AGFG1: variants seen among roughly 807,000 people sequenced by gnomAD.
AGFG1 encodes ArfGAP with FG repeats 1.
In AGFG1, 10 loss-of-function variants were observed where a neutral mutation model predicts 60.6. That is an observed-to-expected ratio of 0.16 (90% CI 0.10 to 0.28). The LOEUF (loss-of-function observed/expected upper bound fraction) is 0.28. Among genes scored for constraint, AGFG1 ranks in the 10% least tolerant of loss-of-function variants. The probability of loss-of-function intolerance (pLI) is 1.00; values close to 1 mark genes in which losing one functional copy is unlikely to be tolerated. For synonymous variants in AGFG1, 247 were observed against 242.9 expected, an observed-to-expected ratio of 1.02 and a Z score of -0.16; for missense variants, 537 against 676.5, an observed-to-expected ratio of 0.79 and a Z score of 2.29.
chr2:227,535,065 C>CTT (rs202054394), intron 8 of AGFG1, 40 bp downstream of exon 8: 11 of 1,425,882 alleles, frequency 7.7e-6, no homozygotes, highest in South Asian at 1.7e-5. Flanking sequence ...TGTGTTTTAT[C>CTT]TTTTTTTTCC....
intron 2 of AGFG1, among the ~76,000 whole-genome samples, chr2:227,500,170 T>C (rs139398310): frequency 1.3e-5 from 2 of 152,272 alleles, no homozygotes; most frequent in Admixed American, 6.5e-5. Flanking sequence ...TGTTTAAGGT[T>C]TGGGTAGTAG....
At chr2:227,489,648 A>G (rs1316804280) in intron 1 of AGFG1, among the ~76,000 whole-genome samples, 2 of 152,196 alleles carry the variant, frequency 1.3e-5, no homozygotes, top group Non-Finnish European at 2.9e-5. Flanking sequence ...CAAAACAACA[A>G]CCAAACCCAA....
intron 1 of AGFG1, among the ~76,000 whole-genome samples, chr2:227,484,677 G>GTTTTTTTTTTGTTT (rs1353896378): frequency 2.6e-5 from 3 of 115,908 alleles, no homozygotes; most frequent in African/African-American, 1.0e-4. Flanking sequence ...AGATCTCTTA[G>GTTTTTTTTTTGTTT]TTTTTTTTTT....
At chr2:227,476,098 G>C (rs1424584346) in intron 1 of AGFG1, among the ~76,000 whole-genome samples, 1 of 151,912 alleles carries the variant, frequency 6.6e-6, no homozygotes, top group Non-Finnish European at 1.5e-5. Context: ...CTATATGCTT[G>C]AATGATGTTC....
rs1693068668 is a variant in AGFG1 at position 227,559,385 on chromosome 2, G to A, written c.*4890G>A. On this transcript the variant is annotated 3_prime_UTR_variant, in exon 13 of 13. Coordinates refer to ENST00000310078, the MANE Select transcript of AGFG1 (RefSeq NM_004504.5). The stretch of plus-strand genomic sequence containing the variant: ...ACATCTTAGTCTGATTTTGAAGTCA[G>A]TTGTGTAAGTTTGGGCTGACAGTGG... 1 of 152,170 alleles carries A rather than the reference G, an allele frequency of 6.6e-6. No homozygotes were observed. The highest frequency in any genetic ancestry group is 2.4e-5 in the African/African-American group (1 of 41,438). 9.4% of individuals were successfully genotyped at this position (152,170 alleles called of 1,614,324 possible). A position where few individuals can be genotyped will look rare whatever the true frequency, so the allele number is the denominator to read the frequency against.
chr2:227,502,838 A>G (rs1691199126), intron 2 of AGFG1, among the ~76,000 whole-genome samples: 1 of 152,190 alleles, frequency 6.6e-6, no homozygotes, highest in Non-Finnish European at 1.5e-5. Context: ...ATGGTGTGAT[A>G]GGGATTGAGT....
chr2:227,494,871 A>G (rs556080014), intron 2 of AGFG1, among the ~76,000 whole-genome samples: 13 of 152,354 alleles, frequency 8.5e-5, no homozygotes, highest in Admixed American at 6.5e-4. Flanking sequence ...ACAATCACAC[A>G]ACTGATGGCA....
In AGFG1 at chr2:227,506,984, G is replaced by A. The variant is rs115442937; in HGVS notation, c.262-12964G>A. Reference sequence around the variant, plus strand: ...AAAGATCCACTATTTCATAGGTTGTGTGGTGTTTTTTTAATCAAAAACCAC... The same window carrying A: ...AAAGATCCACTATTTCATAGGTTGTATGGTGTTTTTTTAATCAAAAACCAC... On this transcript the variant is annotated intron_variant, in intron 2 of 12. Transcript: ENST00000310078. Among the ~76,000 whole-genome samples, 1,492 of 152,194 alleles carry A rather than the reference G, an allele frequency of 9.8e-3. 12 individuals carry two copies. Among genetic ancestry groups the A allele is most frequent in the Middle Eastern group, 0.065 (19 of 294 alleles).
At chr2:227,499,499 G>A (rs548488703) in intron 2 of AGFG1, among the ~76,000 whole-genome samples, 24 of 152,162 alleles carry the variant, frequency 1.6e-4, no homozygotes, top group African/African-American at 5.5e-4. Flanking sequence ...AATTTGCTGG[G>A]CGTGGTGGCG....
At chr2:227,525,914 T>A (rs1019762256) in intron 5 of AGFG1, among the ~76,000 whole-genome samples, 4 of 152,222 alleles carry the variant, frequency 2.6e-5, no homozygotes, top group Admixed American at 1.3e-4. Flanking sequence ...CTGAATTTAT[T>A]CCTTCACTTA....
chr2:227,519,932 T>G lies in AGFG1; in HGVS notation c.262-16T>G. 1 of 1,468,364 alleles carries G rather than the reference T, an allele frequency of 6.8e-7. No homozygotes were observed. Among genetic ancestry groups the G allele is most frequent in the Non-Finnish European group, 9.3e-7 (1 of 1,073,856 alleles). The allele number at this position is 1,468,364 out of a possible 1,614,324, so 91.0% of individuals were successfully genotyped here. On this transcript the variant is annotated splice_polypyrimidine_tract_variant and intron_variant, in intron 2 of 12. Coordinates refer to ENST00000310078, the MANE Select transcript of AGFG1 (RefSeq NM_004504.5). ...GATGTTGAATTTAACATATATTTTT[T>G]TAATTCTTTCCAAAGGTCTGTAAAC...
Position 227,524,912 on chromosome 2 carries a change from G to T in AGFG1, c.691G>T (p.Ala231Ser). Residue 231 changes from alanine to serine, a missense_variant, in exon 5 of 13, where the codon GCA becomes TCA. Physicochemically the swap from Ala to Ser is moderately conservative, Grantham distance 99 (BLOSUM62 1). Around this residue, in one of 4 missense-constraint regions of AGFG1, gnomAD observed 102 missense variants for 82.9 expected, o/e 1.23. Coordinates refer to ENST00000310078, the MANE Select transcript of AGFG1 (RefSeq NM_004504.5). ...TAACTTTGCACATTTCAACAGTCATGCAGGTAAGTGTTTTTTCCCAACAGC... is the reference window on the plus strand; with the variant it reads ...TAACTTTGCACATTTCAACAGTCATTCAGGTAAGTGTTTTTTCCCAACAGC... ...FANFAHFNSH[A>S]AQNSANADFA... is the part of the protein sequence containing the mutation. 6.2e-7 allele frequency: 1 copy of T among 1,614,024 alleles called. No homozygotes were observed. Among genetic ancestry groups the T allele is most frequent in the Non-Finnish European group, 8.5e-7 (1 of 1,179,918 alleles).
Position 227,560,645 on chromosome 2 carries a change from C to T in AGFG1, c.*6150C>T, listed in dbSNP as rs1397625216. On this transcript the variant is annotated 3_prime_UTR_variant, in exon 13 of 13. Transcript: ENST00000310078. ...CTTTCCTTATCTACATTAGCTTAGA[C>T]TATACCTTATTTTTAAGAAGAGAAA... The T allele has an allele frequency of 6.6e-6, 1 of 152,078 alleles. No individual in the cohort carries two copies. Among genetic ancestry groups the T allele is most frequent in the African/African-American group, 2.4e-5 (1 of 41,424 alleles). The allele number at this position is 152,078 out of a possible 1,614,324, so 9.4% of individuals were successfully genotyped here.
intron 1 of AGFG1, among the ~76,000 whole-genome samples, chr2:227,482,371 C>T (rs377294912): frequency 1.3e-5 from 2 of 152,236 alleles, no homozygotes; most frequent in South Asian, 2.1e-4. Context: ...TAATGTTGGA[C>T]TCTGGATAGA....
chr2:227,534,464 G>A (rs762651595), intron 7 of AGFG1, among the ~76,000 whole-genome samples: 4 of 152,120 alleles, frequency 2.6e-5, no homozygotes, highest in Non-Finnish European at 5.9e-5. Context: ...AGAATGCTGG[G>A]GAAATGATGC....
chr2:227,538,734 C>T (rs1189003472), intron 10 of AGFG1, among the ~76,000 whole-genome samples: 1 of 152,124 alleles, frequency 6.6e-6, no homozygotes, highest in Non-Finnish European at 1.5e-5. Flanking sequence ...TTGGTTCTAT[C>T]ATTAGAGTTA....
At chr2:227,552,738 A>T (rs1228406970) in intron 11 of AGFG1, among the ~76,000 whole-genome samples, 1 of 149,044 alleles carries the variant, frequency 6.7e-6, no homozygotes, top group Non-Finnish European at 1.5e-5. Flanking sequence ...GTGGTGGCTT[A>T]CGCCTGTAAT....
chr2:227,502,109 T>C (rs1026989488), intron 2 of AGFG1, among the ~76,000 whole-genome samples: 1 of 152,252 alleles, frequency 6.6e-6, no homozygotes, highest in African/African-American at 2.4e-5. Context: ...CCACCTGTCT[T>C]GGCCTCCCAA....
intron 1 of AGFG1, among the ~76,000 whole-genome samples, chr2:227,487,366 T>A (rs1690673975): frequency 6.6e-6 from 1 of 151,916 alleles, no homozygotes; most frequent in Non-Finnish European, 1.5e-5. Context: ...CCTGTTAACA[T>A]TTTGGAGTAT....
Sources: gnomAD v4.1 joint callset for allele counts (sites outside exome capture counted in the v4.1 genomes callset) on GRCh38, gnomAD v4.1.1 for gene constraint, gnomAD v4.1.1 regional missense constraint, MANE v1.5 for transcripts, NCBI Gene and HGNC (gene_info 2026-07-23, HGNC 2026-07-21) for gene names.